Variants in ATP8A1 observed in about 807,000 individuals in gnomAD.
ATP8A1 encodes the protein ATPase phospholipid transporting 8A1, also known as phospholipid-transporting ATPase IA.
In ATP8A1, 90 loss-of-function variants were observed where a neutral mutation model predicts 177.7. The ratio of observed to expected loss-of-function variants is 0.51; its 90% CI spans 0.43 to 0.60. The LOEUF is 0.60. Among genes scored for constraint, ATP8A1 ranks in the 20% least tolerant of loss-of-function variants. The pLI, the probability that ATP8A1 is intolerant of heterozygous loss-of-function variation, is 0.00. For synonymous variants in ATP8A1, 493 were observed against 485.9 expected (o/e 1.01, Z -0.19); for missense variants, 1,072 against 1,392.8 (o/e 0.77, Z 3.67).
intron 1 of ATP8A1, among the ~76,000 whole-genome samples, chr4:42,643,860 A>G (rs1740255795): frequency 6.6e-6 from 1 of 152,196 alleles, no homozygotes; most frequent in African/African-American, 2.4e-5. Context: ...GAACACACAT[A>G]TCACTCCAGG....
At chr4:42,523,506 G>T (rs1158294341) in intron 21 of ATP8A1, among the ~76,000 whole-genome samples, 1 of 152,112 alleles carries the variant, frequency 6.6e-6, no homozygotes, top group African/African-American at 2.4e-5. Flanking sequence ...CACTGAGAGT[G>T]GAACTTAAAT....
chr4:42,569,403 A>G (rs1180440351), intron 14 of ATP8A1, among the ~76,000 whole-genome samples, 198 bp from the exon 15 acceptor site: 1 of 152,250 alleles, frequency 6.6e-6, no homozygotes, highest in Admixed American at 6.5e-5. Flanking sequence ...CAGCAGGTTT[A>G]CAAAGTTATC....
At chr4:42,593,217 A>G (rs960415638) in intron 6 of ATP8A1, among the ~76,000 whole-genome samples, 4 of 152,080 alleles carry the variant, frequency 2.6e-5, no homozygotes, top group African/African-American at 9.7e-5. Flanking sequence ...GACAATGACA[A>G]TAAGCTCTCC....
In ATP8A1 at chr4:42,408,862, C is replaced by A. The variant is rs1712271901; in HGVS notation, c.*4054G>T. 1 of 152,188 alleles carries A rather than the reference C, an allele frequency of 6.6e-6. No homozygotes were observed. Among genetic ancestry groups the A allele is most frequent in the Non-Finnish European group, 1.5e-5 (1 of 68,018 alleles). 9.4% of individuals were successfully genotyped at this position (152,188 alleles called of 1,614,324 possible). On this transcript the variant is annotated 3_prime_UTR_variant, in exon 37 of 37. Transcript: ENST00000381668. Reference sequence around the variant, plus strand: ...TTATTTTTAACTATTCTGCTCACATCTTTGCAAGAACAGATTTACCTGTGG... The same window carrying A: ...TTATTTTTAACTATTCTGCTCACATATTTGCAAGAACAGATTTACCTGTGG...
rs571229786 is a variant in ATP8A1, at chr4:42,501,560, T to C, written c.2151+1890A>G. 1.6e-4 allele frequency among the ~76,000 whole-genome samples: 24 copies of C among 152,404 alleles called. No individual in the cohort carries two copies. The South Asian group carries it at 5.0e-3, about 32-fold the overall frequency. ...ATTCCTAAGTTCATTACTTAAATGC[T>C]AATTATTCTTTGTGCTGATAAAATA... On this transcript the variant is annotated intron_variant, in intron 24 of 36. Coordinates refer to ENST00000381668, the MANE Select transcript of ATP8A1 (RefSeq NM_006095.2).
chr4:42,469,507 C>T (rs1296674645), intron 25 of ATP8A1, among the ~76,000 whole-genome samples: 2 of 152,060 alleles, frequency 1.3e-5, no homozygotes, highest in Non-Finnish European at 2.9e-5. Context: ...TGGTTCCTTG[C>T]TACAAGGGGG....
intron 4 of ATP8A1, among the ~76,000 whole-genome samples, chr4:42,623,743 G>C (rs1291072797): frequency 6.6e-6 from 1 of 152,078 alleles, no homozygotes; most frequent in Non-Finnish European, 1.5e-5. Context: ...ATAACTAAAA[G>C]TAACTAATAG....
Position 42,414,712 on chromosome 4 carries a change from G to A in ATP8A1, c.3312C>T (p.Thr1104=), listed in dbSNP as rs1458320550. The A allele has an allele frequency of 4.3e-6, 7 of 1,613,614 alleles. No homozygotes were observed. Among genetic ancestry groups the A allele is most frequent in the Non-Finnish European group, 5.9e-6 (7 of 1,179,666 alleles). Residue 1104 remains threonine (T), a synonymous_variant, in exon 36 of 37, where the codon ACC becomes ACT. Coordinates refer to ENST00000381668, the MANE Select transcript of ATP8A1 (RefSeq NM_006095.2). The part of the protein sequence containing the change: ...PGAVVLGKSL[T]ERAQLLKNVF... The stretch of plus-strand genomic sequence containing the variant: ...CGTTCTTGAGCAGTTGCGCCCTCTC[G>A]GTCAGGCTGCAGAGCAGGTGCAAAT...
chr4:42,575,618 T>C lies in ATP8A1; in HGVS notation c.1206+4A>G. 1 of 1,612,854 alleles carries C rather than the reference T, an allele frequency of 6.2e-7. No homozygotes were observed. The highest frequency in any genetic ancestry group is 8.5e-7 in the Non-Finnish European group (1 of 1,179,070). ...ACACATAATCAACAATAAATTGAGT[T>C]TACCTGGCCAAGTTCCTCATTCAGA... On this transcript the variant is annotated splice_donor_region_variant and intron_variant, in intron 13 of 36. Transcript: ENST00000381668.
intron 5 of ATP8A1, among the ~76,000 whole-genome samples, chr4:42,603,360 A>C (rs1735489437): frequency 6.6e-6 from 1 of 152,198 alleles, no homozygotes; most frequent in Admixed American, 6.5e-5. Flanking sequence ...TCTATATTCC[A>C]GTCATTGGCA....
At chr4:42,580,641 C>A (rs1001602921) in intron 10 of ATP8A1, among the ~76,000 whole-genome samples, 20 of 152,210 alleles carry the variant, frequency 1.3e-4, no homozygotes, top group Non-Finnish European at 4.4e-5. Context: ...TATAAAATGG[C>A]TAGTGGTGGA....
chr4:42,545,745 A>T (rs773423538), intron 19 of ATP8A1, among the ~76,000 whole-genome samples: 4 of 152,148 alleles, frequency 2.6e-5, no homozygotes, highest in African/African-American at 7.2e-5. Context: ...AGGCTGAGGC[A>T]GGGGGATCAT....
chr4:42,465,110 C>T (rs1719594742), intron 25 of ATP8A1, 34 bp from the exon 26 acceptor site: 2 of 1,570,196 alleles, frequency 1.3e-6, no homozygotes, highest in East Asian at 2.3e-5. Context: ...TTACTGTTTT[C>T]TGAAAAAAGG....
chr4:42,509,446 G>C (rs564672393), intron 22 of ATP8A1, among the ~76,000 whole-genome samples: 1 of 152,204 alleles, frequency 6.6e-6, no homozygotes, highest in Non-Finnish European at 1.5e-5. Flanking sequence ...GGATGGGCAC[G>C]CACATGCATA....
rs561773287 is a variant in ATP8A1 at position 42,615,978 on chromosome 4, T to C, written c.409+55A>G. The C allele has an allele frequency of 8.0e-5, 119 of 1,482,184 alleles. No individual in the cohort carries two copies. The East Asian group carries it at 2.6e-3, about 32-fold the overall frequency. 91.8% of individuals were successfully genotyped at this position (1,482,184 alleles called of 1,614,324 possible). A position where few individuals can be genotyped will look rare whatever the true frequency, so the allele number is the denominator to read the frequency against. ...GAATTATATGTAATTGAAGTGTTTG[T>C]ATATACTACAAGTAGGTTTGACAAA... On this transcript the variant is annotated intron_variant, in intron 5 of 36. Transcript: ENST00000381668.
rs112474758 is a variant in ATP8A1 at position 42,472,523 on chromosome 4, C to T, written c.2325-7447G>A. ...CAGCACTTTGGGAAGCCGAGGTGGG[C>T]GGATCACGAGGTCAGGAGTTCAAGA... On this transcript the variant is annotated intron_variant, in intron 25 of 36. Transcript: ENST00000381668. 6.2e-3 allele frequency: 1,549 copies of T among 248,794 alleles called. 15 individuals carry two copies. The highest frequency in any genetic ancestry group is 0.032 in the African/African-American group (1,368 of 43,374). The allele number at this position is 248,794 out of a possible 1,614,324, so 15.4% of individuals were successfully genotyped here.
At chr4:42,473,627 T>A (rs188716037) in intron 25 of ATP8A1, among the ~76,000 whole-genome samples, 6 of 152,236 alleles carry the variant, frequency 3.9e-5, no homozygotes, top group South Asian at 2.1e-4. Context: ...GATAAAGTTT[T>A]TTTATTTATT....
intron 24 of ATP8A1, among the ~76,000 whole-genome samples, chr4:42,498,259 T>C (rs911361161): frequency 1.5e-4 from 23 of 152,336 alleles, no homozygotes; most frequent in Non-Finnish European, 3.1e-4. Flanking sequence ...CATTCAACAG[T>C]GGCCCGTTCC....
chr4:42,435,649 GCTCT>G (rs1219846363), intron 33 of ATP8A1, among the ~76,000 whole-genome samples: 1 of 152,118 alleles, frequency 6.6e-6, no homozygotes, highest in African/African-American at 2.4e-5. Context: ...ACCTCACAGT[GCTCT>G]CTCCAGCTCT....
Sources: allele counts gnomAD v4.1 joint callset (sites outside exome capture counted in the v4.1 genomes callset), GRCh38; gene constraint gnomAD v4.1.1; transcripts MANE v1.5; gene names NCBI Gene and HGNC (gene_info 2026-07-23, HGNC 2026-07-21).